TIAM1: variants seen among roughly 807,000 people sequenced by gnomAD.
The protein encoded by TIAM1 is rho guanine nucleotide exchange factor TIAM1.
In TIAM1, 65 loss-of-function variants were observed where a neutral mutation model predicts 163.5. The ratio of observed to expected loss-of-function variants is 0.40; its 90% CI spans 0.33 to 0.49. The LOEUF (loss-of-function observed/expected upper bound fraction) is 0.49. Among genes scored for constraint, TIAM1 ranks in the 20% least tolerant of loss-of-function variants. TIAM1 has a pLI of 0.77. For missense variants in TIAM1, 1,789 were observed against 2,044.7 expected, an observed-to-expected ratio of 0.87 and a Z score of 2.41; for synonymous variants, 833 against 810.1, an observed-to-expected ratio of 1.03 and a Z score of -0.48.
At chr21:31,396,944 G>A (rs146171407) in intron 2 of TIAM1, among the ~76,000 whole-genome samples, 9 of 151,850 alleles carry the variant, frequency 5.9e-5, no homozygotes, top group Admixed American at 3.3e-4. Context: ...GTGAGACTCC[G>A]TCACACACAC....
intron 5 of TIAM1, among the ~76,000 whole-genome samples, chr21:31,247,855 T>G (rs1440247696): frequency 1.3e-5 from 2 of 152,184 alleles, no homozygotes; most frequent in African/African-American, 4.8e-5. Flanking sequence ...AATCTGTACC[T>G]CCTATTTCCA....
intron 1 of TIAM1, among the ~76,000 whole-genome samples, chr21:31,477,164 A>G (rs1235309356): frequency 6.6e-6 from 1 of 152,204 alleles, no homozygotes; most frequent in East Asian, 1.9e-4. Flanking sequence ...TTGGCAATTC[A>G]TATGGGTCAA....
chr21:31,149,768 A>G (rs1192569438), intron 19 of TIAM1, among the ~76,000 whole-genome samples: 1 of 152,220 alleles, frequency 6.6e-6, no homozygotes, highest in Non-Finnish European at 1.5e-5. Flanking sequence ...ACCAGGCCAC[A>G]TTATGTGTTC....
chr21:31,533,960 T>G (rs894301139), intron 1 of TIAM1, among the ~76,000 whole-genome samples: 2 of 152,180 alleles, frequency 1.3e-5, no homozygotes, highest in African/African-American at 4.8e-5. Context: ...TCGGGATCTC[T>G]TAAGTGCTCA....
At chr21:31,254,286 G>C (rs912365872) in intron 4 of TIAM1, among the ~76,000 whole-genome samples, 8 of 152,234 alleles carry the variant, frequency 5.3e-5, no homozygotes, top group Middle Eastern at 3.2e-3. Context: ...AAAATCACAA[G>C]TCTGGTTGGT....
intron 2 of TIAM1, among the ~76,000 whole-genome samples, chr21:31,363,186 T>C (rs1204202165): frequency 6.6e-6 from 1 of 152,146 alleles, no homozygotes; most frequent in Non-Finnish European, 1.5e-5. Context: ...CTGGCAGCCA[T>C]GCTTCTGTTT....
At chr21:31,167,887 A>G (rs532771162) in intron 15 of TIAM1, among the ~76,000 whole-genome samples, 1 of 152,330 alleles carries the variant, frequency 6.6e-6, no homozygotes, top group Admixed American at 6.5e-5. Context: ...GGCTTGGGTC[A>G]GTACAACTTC....
rs564029161 is a variant in TIAM1, at chr21:31,434,033, A to AG, written c.-369+29949dup. Among the ~76,000 whole-genome samples, 50 of 152,268 alleles carry AG rather than the reference A, an allele frequency of 3.3e-4. 1 individual carries two copies. In the South Asian group the frequency reaches 9.5e-3, roughly 29 times the overall value. On this transcript the variant is annotated intron_variant, in intron 2 of 28. Coordinates refer to the TIAM1 transcript ENST00000286827. ...GGCTGGTCTCAAACTCCTGAGCTCA[A>AG]GCGATCCACCCACCTCGGCCTCCCA...
At chr21:31,277,784 T>C (rs1601801392) in intron 2 of TIAM1, among the ~76,000 whole-genome samples, 1 of 152,178 alleles carries the variant, frequency 6.6e-6, no homozygotes, top group Non-Finnish European at 1.5e-5. Context: ...CCCTGAATTC[T>C]TTCTTGTGCG....
intron 2 of TIAM1, among the ~76,000 whole-genome samples, chr21:31,424,956 G>A (rs777058965): frequency 3.3e-5 from 5 of 151,922 alleles, no homozygotes; most frequent in Non-Finnish European, 5.9e-5. Flanking sequence ...CAGAGGCTGA[G>A]GCAGGAGAAT....
intron 2 of TIAM1, among the ~76,000 whole-genome samples, chr21:31,321,966 T>C (rs1260436519): frequency 6.6e-6 from 1 of 151,892 alleles, no homozygotes; most frequent in Non-Finnish European, 1.5e-5. Context: ...GGCACAAGAA[T>C]CACTTGAACT....
chr21:31,166,223 T>TTAAAAACCTTCTCAC (rs1425132479), intron 15 of TIAM1, among the ~76,000 whole-genome samples: 2 of 152,146 alleles, frequency 1.3e-5, no homozygotes, highest in African/African-American at 4.8e-5. Context: ...CCTTCTCTAA[T>TTAAAAACCTTCTCAC]TGAATCTGAG....
chr21:31,118,712 G>A lies in TIAM1; in HGVS notation c.*1656C>T, dbSNP rs1170720941. 5 of 464,442 alleles carry A rather than the reference G, an allele frequency of 1.1e-5. No homozygotes were observed. In the Admixed American group the frequency reaches 1.2e-4, roughly 11 times the overall value. The allele number at this position is 464,442 out of a possible 1,614,324, so 28.8% of individuals were successfully genotyped here. ...CGGAGATGATATGGAAAAATGCAGTGATACAAAGGGTATAGAAACCATTCT... is the reference window on the plus strand; with the variant it reads ...CGGAGATGATATGGAAAAATGCAGTAATACAAAGGGTATAGAAACCATTCT... On this transcript the variant is annotated 3_prime_UTR_variant, in exon 28 of 28. Coordinates refer to ENST00000541036, the MANE Select transcript of TIAM1 (RefSeq NM_001353694.2).
intron 1 of TIAM1, among the ~76,000 whole-genome samples, chr21:31,527,240 ACTC>A (rs1287913579): frequency 2.0e-5 from 3 of 151,500 alleles, no homozygotes; most frequent in Admixed American, 6.6e-5. Context: ...TTAAGCTGAA[ACTC>A]CTCCGTGGGA....
At chr21:31,503,535 A>AGAAG (rs1336957794) in intron 1 of TIAM1, among the ~76,000 whole-genome samples, 1 of 101,294 alleles carries the variant, frequency 9.9e-6, no homozygotes, top group African/African-American at 3.7e-5. Flanking sequence ...AAGGAAGGAA[A>AGAAG]GAAGGAAGGA....
intron 2 of TIAM1, among the ~76,000 whole-genome samples, chr21:31,325,282 G>A (rs1309114519): frequency 2.3e-5 from 3 of 129,464 alleles, no homozygotes; most frequent in Non-Finnish European, 3.4e-5. Context: ...GGGAGGCCCT[G>A]TCTCAAAAAA....
At chr21:31,499,358 G>C (rs1231911818) in intron 1 of TIAM1, among the ~76,000 whole-genome samples, 4 of 151,256 alleles carry the variant, frequency 2.6e-5, no homozygotes, top group Non-Finnish European at 4.4e-5. Context: ...CCAGGAGTTT[G>C]AGACCAGCCT....
In TIAM1 at chr21:31,513,970, G is replaced by A. The variant is rs187921794; in HGVS notation, c.-422+44957C>T. Among the ~76,000 whole-genome samples the A allele has an allele frequency of 1.2e-3, 183 of 152,270 alleles. 2 individuals carry two copies. The highest frequency in any genetic ancestry group is 1.6e-3 in the Admixed American group (25 of 15,290). On this transcript the variant is annotated intron_variant, in intron 1 of 28. Coordinates refer to the TIAM1 transcript ENST00000286827. ...TGTAGTGAGCCGAGATGGTGCCATC[G>A]CACTCCAGCCTGAGCAACAAGAGCG... is the stretch of plus-strand genomic sequence containing the variant.
At chr21:31,279,412 C>A (rs1483110475) in intron 2 of TIAM1, among the ~76,000 whole-genome samples, 1 of 152,186 alleles carries the variant, frequency 6.6e-6, no homozygotes, top group African/African-American at 2.4e-5. Context: ...GCCACCATGG[C>A]AATTTGGGAA....
Sources: gnomAD v4.1 joint callset for allele counts (sites outside exome capture counted in the v4.1 genomes callset) on GRCh38, gnomAD v4.1.1 for gene constraint, MANE v1.5 for transcripts, NCBI Gene and HGNC (gene_info 2026-07-23, HGNC 2026-07-21) for gene names.